Variants in NUMBL observed in about 807,000 individuals in gnomAD.
NUMBL encodes the protein numb-like protein.
A neutral mutation model predicts 48.9 loss-of-function variants in NUMBL; 20 were observed. The ratio of observed to expected loss-of-function variants is 0.41; its 90% CI spans 0.29 to 0.59. The LOEUF is 0.59. NUMBL is among the 20% of genes least tolerant of loss of function. NUMBL has a pLI of 0.31. For missense variants in NUMBL, 660 were observed against 846.2 expected, an observed-to-expected ratio of 0.78 and a Z score of 2.73; for synonymous variants, 340 against 348.7, an observed-to-expected ratio of 0.98 and a Z score of 0.28.
chr19:40,686,831 C>T (rs1264659822), intron 2 of NUMBL, 80 bp downstream of exon 2: 3 of 890,334 alleles, frequency 3.4e-6, no homozygotes, highest in Admixed American at 2.2e-5. Context: ...CCTGTGTGAC[C>T]GCAGGGACAG....
At chr19:40,689,066 GAC>G (rs1327051439) in intron 1 of NUMBL, among the ~76,000 whole-genome samples, 1 of 152,114 alleles carries the variant, frequency 6.6e-6, no homozygotes. Flanking sequence ...ATCAGGTAGA[GAC>G]ACAACTATAA....
In NUMBL at chr19:40,673,193, A is replaced by G; in HGVS notation, c.1036+151T>C. ...CTTTCCTCTCCCTTGCCCACTGCTA[A>G]TCGATCATGACATGTTCCCACTCTC... On this transcript the variant is annotated intron_variant, in intron 8 of 9. Transcript: ENST00000252891. This position sits in a 1 kb window ranked among gnomAD's most constrained non-coding sequence, Gnocchi z 5.9. 1 of 835,876 alleles carries G rather than the reference A, an allele frequency of 1.2e-6. No homozygotes were observed. The highest frequency in any genetic ancestry group is 1.8e-6 in the Non-Finnish European group (1 of 553,720). The allele number at this position is 835,876 out of a possible 1,614,324, so 51.8% of individuals were successfully genotyped here. A position where few individuals can be genotyped will look rare whatever the true frequency, so the allele number is the denominator to read the frequency against.
rs1270762788 is a variant in NUMBL, at chr19:40,690,582, G to T, written c.-99C>A. 5.8e-6 allele frequency: 4 copies of T among 689,542 alleles called. No homozygotes were observed. Among genetic ancestry groups the T allele is most frequent in the Non-Finnish European group, 8.0e-6 (4 of 498,006 alleles). 42.7% of individuals were successfully genotyped at this position (689,542 alleles called of 1,614,324 possible). A position where few individuals can be genotyped will look rare whatever the true frequency, so the allele number is the denominator to read the frequency against. On this transcript the variant is annotated 5_prime_UTR_variant, in exon 1 of 10. Transcript: ENST00000252891. ...GGCGGCGGCAGCTCGGTCTGACGCC[G>T]GCCAGGGCCCGGGGCCGGGGGATGG...
chr19:40,683,033 C>A, intron 3 of NUMBL, 65 bp from the exon 4 acceptor site: 2 of 1,371,278 alleles, frequency 1.5e-6, no homozygotes, highest in South Asian at 2.3e-5. Context: ...TCTCAGTGTC[C>A]ACTGAGCATC....
At position 40,690,642 on chromosome 19, in the gene NUMBL, C is replaced by G. The variant is rs2081961346; in HGVS notation, c.-159G>C. On this transcript the variant is annotated 5_prime_UTR_variant, in exon 1 of 10. Coordinates refer to ENST00000252891, the MANE Select transcript of NUMBL (RefSeq NM_004756.5). Reference sequence around the variant, plus strand: ...CACGCGCGCGAGCCTCCTCGGCTCCCGGGAGGATTCCGTTCCGGGGGCGGG... The same window carrying G: ...CACGCGCGCGAGCCTCCTCGGCTCCGGGGAGGATTCCGTTCCGGGGGCGGG... 2.7e-6 allele frequency: 1 copy of G among 374,468 alleles called. No individual in the cohort carries two copies. The highest frequency in any genetic ancestry group is 4.6e-6 in the Non-Finnish European group (1 of 216,986). 23.2% of individuals were successfully genotyped at this position (374,468 alleles called of 1,614,324 possible).
In NUMBL at chr19:40,690,577, A is replaced by C; in HGVS notation, c.-94T>G. ...GTGGTGGCGGCGGCAGCTCGGTCTG[A>C]CGCCGGCCAGGGCCCGGGGCCGGGG... On this transcript the variant is annotated 5_prime_UTR_variant, in exon 1 of 10. Transcript: ENST00000252891. The C allele has an allele frequency of 4.0e-6, 3 of 757,392 alleles. No individual in the cohort carries two copies. Among genetic ancestry groups the C allele is most frequent in the Non-Finnish European group, 5.4e-6 (3 of 559,534 alleles). 46.9% of individuals were successfully genotyped at this position (757,392 alleles called of 1,614,324 possible). A position where few individuals can be genotyped will look rare whatever the true frequency, so the allele number is the denominator to read the frequency against.
In NUMBL at chr19:40,667,729, G is replaced by A. The variant is rs752675146; in HGVS notation, c.1569C>T (p.Ala523=). The change falls in exon 10 of 10, where the codon GCC becomes GCT. Residue 523 remains alanine, a synonymous_variant. Coordinates refer to ENST00000252891, the MANE Select transcript of NUMBL (RefSeq NM_004756.5). This position sits in a 1 kb window ranked among gnomAD's most constrained non-coding sequence, Gnocchi z 6.1. ...SQMVANAFCS[A]AQLQPQPATL... ...TGGCAGGCTGAGGCTGGAGCTGGGC[G>A]GCTGAGCAGAAGGCGTTTGCCACCA... 3.2e-5 allele frequency: 50 copies of A among 1,576,170 alleles called. No individual in the cohort carries two copies. Among genetic ancestry groups the A allele is most frequent in the Non-Finnish European group, 4.2e-5 (49 of 1,161,830 alleles).
rs1407708219 is a variant in NUMBL, at chr19:40,673,546, G to A, written c.834C>T (p.Gly278=). 3.2e-6 allele frequency: 5 copies of A among 1,555,452 alleles called. No individual in the cohort carries two copies. The East Asian group carries it at 7.3e-5, about 23-fold the overall frequency. The change falls in exon 8 of 10, where the codon GGC becomes GGT. Residue 278 remains glycine (G), a synonymous_variant. Transcript: ENST00000252891. This position sits in a 1 kb window ranked among gnomAD's most constrained non-coding sequence, Gnocchi z 5.9. ...CAGTGGTGCCTGCAGCCACAGGGGTGCCTGCCTCACCCTTCTCACCAGGGG... is the reference window on the plus strand; with the variant it reads ...CAGTGGTGCCTGCAGCCACAGGGGTACCTGCCTCACCCTTCTCACCAGGGG... The part of the protein sequence containing the change: ...TTSPGEKGEA[G]TPVAAGTTAA...
At chr19:40,676,582 C>A (rs2081876904) in intron 7 of NUMBL, among the ~76,000 whole-genome samples, 1 of 150,494 alleles carries the variant, frequency 6.6e-6, no homozygotes, top group Admixed American at 6.6e-5. Flanking sequence ...GTAATCCTAA[C>A]TACTCGGGAG....
At position 40,684,616 on chromosome 19, in the gene NUMBL, C is replaced by A. The variant is rs371879952; in HGVS notation, c.110-60G>T. 8.5e-6 allele frequency: 13 copies of A among 1,537,478 alleles called. No individual in the cohort carries two copies. In the African/African-American group the frequency reaches 1.8e-4, roughly 21 times the overall value. ...GGGGGTCAGAAGGTATGGAGCTCAA[C>A]GGGGAGGGACCAGTGCTCAGGGAGC... is the stretch of plus-strand genomic sequence containing the variant. On this transcript the variant is annotated intron_variant, in intron 2 of 9. Coordinates refer to ENST00000252891, the MANE Select transcript of NUMBL (RefSeq NM_004756.5).
In NUMBL at chr19:40,673,348, G is replaced by A; in HGVS notation, c.1032C>T (p.Gly344=). 1 of 1,610,494 alleles carries A rather than the reference G, an allele frequency of 6.2e-7. No individual in the cohort carries two copies. The change falls in exon 8 of 10, where the codon GGC becomes GGT. Residue 344 remains glycine (G), a synonymous_variant. Coordinates refer to ENST00000252891, the MANE Select transcript of NUMBL (RefSeq NM_004756.5). The surrounding 1 kb of genome is among the most constrained non-coding windows in gnomAD (Gnocchi z 5.9). ...LQRRTDFQVK[G]TVPEMEPPGA... is the part of the protein sequence containing the mutation. ...CCCACTGGGCCCAGGGCTCACCTGT[G>A]CCCTTCACCTGGAAGTCAGTGCGGC...
rs2081939737 is a variant in NUMBL, at chr19:40,687,212, G to A, written c.25-217C>T. Among the ~76,000 whole-genome samples the A allele has an allele frequency of 6.6e-6, 1 of 152,156 alleles. No homozygotes were observed. The highest frequency in any genetic ancestry group is 6.5e-5 in the Admixed American group (1 of 15,278). On this transcript the variant is annotated intron_variant, in intron 1 of 9. Coordinates refer to ENST00000252891, the MANE Select transcript of NUMBL (RefSeq NM_004756.5). The surrounding 1 kb of genome is among the most constrained non-coding windows in gnomAD (Gnocchi z 4.6). ...TTTGGGGGGCATATGTTGGGGATGT[G>A]CTGGCCTCAGGAGAGCCTCACTGCC...
rs915055457 is a variant in NUMBL at position 40,667,086 on chromosome 19, A to G, written c.*382T>C. ...TGGTGTGGGGCCCAGGAGAGCCCCTAAGCAAGTGTCCCCCCTCCATCCTGT... is the reference window on the plus strand; with the variant it reads ...TGGTGTGGGGCCCAGGAGAGCCCCTGAGCAAGTGTCCCCCCTCCATCCTGT... On this transcript the variant is annotated 3_prime_UTR_variant, in exon 10 of 10. Transcript: ENST00000252891. This position sits in a 1 kb window ranked among gnomAD's most constrained non-coding sequence, Gnocchi z 6.1. 4.0e-5 allele frequency: 11 copies of G among 273,570 alleles called. No homozygotes were observed. The highest frequency in any genetic ancestry group is 2.6e-3 in the Middle Eastern group (2 of 758). The allele number at this position is 273,570 out of a possible 1,614,324, so 16.9% of individuals were successfully genotyped here. A position where few individuals can be genotyped will look rare whatever the true frequency, so the allele number is the denominator to read the frequency against.
intron 8 of NUMBL, 101 bp from the exon 9 acceptor site, chr19:40,670,121 A>G: frequency 7.0e-7 from 1 of 1,426,216 alleles, no homozygotes; most frequent in Non-Finnish European, 9.3e-7. Context: ...TCTGACCTGG[A>G]TCCTTTCCCA....
Position 40,673,392 on chromosome 19 carries a change from G to A in NUMBL, c.988C>T (p.Leu330=). ...KRQLSLRLNE[L]PSTLQRRTDF... ...GTGCGGCGCTGCAGCGTGGATGGCA[G>A]CTCATTCAGCCGTAGGCTCAGCTGC... Residue 330 remains leucine, a synonymous_variant, in exon 8 of 10, where the codon CTG becomes TTG. Coordinates refer to ENST00000252891, the MANE Select transcript of NUMBL (RefSeq NM_004756.5). The surrounding 1 kb of genome is among the most constrained non-coding windows in gnomAD (Gnocchi z 5.9). 6.2e-7 allele frequency: 1 copy of A among 1,613,922 alleles called. No individual in the cohort carries two copies. The highest frequency in any genetic ancestry group is 1.3e-5 in the African/African-American group (1 of 75,054).
At chr19:40,669,805 C>G in intron 9 of NUMBL, 93 bp downstream of exon 9, 1 of 1,502,278 alleles carries the variant, frequency 6.7e-7, no homozygotes, top group Non-Finnish European at 8.9e-7. Context: ...TGTAGGATCC[C>G]AAGACCCCTG....
intron 9 of NUMBL, 128 bp from the exon 10 acceptor site, chr19:40,668,266 C>G: frequency 2.8e-6 from 4 of 1,431,082 alleles, no homozygotes; most frequent in Non-Finnish European, 3.7e-6. Flanking sequence ...CCTCTGAATC[C>G]CAGCTCTGCA....
rs972109440 is a variant in NUMBL, at chr19:40,687,765, T to C, written c.25-770A>G. ...GCTGACCCAGTCCCACACGACACAA[T>C]CGCAGCTATATACACTTGTTACACG... On this transcript the variant is annotated intron_variant, in intron 1 of 9. Coordinates refer to ENST00000252891, the MANE Select transcript of NUMBL (RefSeq NM_004756.5). The surrounding 1 kb of genome is among the most constrained non-coding windows in gnomAD (Gnocchi z 4.6). 2.0e-5 allele frequency among the ~76,000 whole-genome samples: 3 copies of C among 152,074 alleles called. No individual in the cohort carries two copies. The highest frequency in any genetic ancestry group is 2.9e-5 in the Non-Finnish European group (2 of 68,020).
chr19:40,690,035 C>G lies in NUMBL; in HGVS notation c.24+425G>C, dbSNP rs1385675166. 4 of 156,276 alleles carry G rather than the reference C, an allele frequency of 2.6e-5. No individual in the cohort carries two copies. In the East Asian group the frequency reaches 7.4e-4, roughly 29 times the overall value. 9.7% of individuals were successfully genotyped at this position (156,276 alleles called of 1,614,324 possible). ...TACCCAGTGACCCCATCCTCGAGAC[C>G]GTACCTAGGCAGTTGTTGTGCTGAG... On this transcript the variant is annotated intron_variant, in intron 1 of 9. Transcript: ENST00000252891.
Sources: allele counts gnomAD v4.1 joint callset (sites outside exome capture counted in the v4.1 genomes callset), GRCh38; gene constraint gnomAD v4.1.1; non-coding constraint Gnocchi (gnomAD v3.1); transcripts MANE v1.5; gene names NCBI Gene and HGNC (gene_info 2026-07-23, HGNC 2026-07-21).